The following SLC35F1 variants were observed in gnomAD, a reference collection of about 807,000 sequenced individuals.
The protein encoded by SLC35F1 is solute carrier family 35 member F1.
A neutral mutation model predicts 48.7 loss-of-function variants in SLC35F1; 14 were observed. That is an observed-to-expected ratio of 0.29 (90% confidence interval 0.19 to 0.45). The LOEUF (loss-of-function observed/expected upper bound fraction) is 0.45. SLC35F1 is among the 20% of genes least tolerant of loss of function. The pLI is 1.00. For synonymous variants in SLC35F1, 190 were observed against 202.2 expected, an observed-to-expected ratio of 0.94 and a Z score of 0.51; for missense variants, 404 against 500.0, an observed-to-expected ratio of 0.81 and a Z score of 1.83.
At chr6:118,260,810 C>T (rs561095346) in intron 3 of SLC35F1, among the ~76,000 whole-genome samples, 30 of 152,226 alleles carry the variant, frequency 2.0e-4, no homozygotes, top group Middle Eastern at 6.8e-3. Context: ...ACTACCATTC[C>T]GCTAATTTCA....
At chr6:118,024,858 T>A (rs937492166) in intron 1 of SLC35F1, among the ~76,000 whole-genome samples, 4 of 152,190 alleles carry the variant, frequency 2.6e-5, no homozygotes, top group Non-Finnish European at 4.4e-5. Context: ...GAGAATCTCA[T>A]ATAACTGAAA....
chr6:118,078,700 AG>A (rs1772860351), intron 1 of SLC35F1, among the ~76,000 whole-genome samples: 1 of 152,168 alleles, frequency 6.6e-6, no homozygotes, highest in Admixed American at 6.5e-5. Flanking sequence ...CTTGTAACAT[AG>A]GGTCTCCTCT....
chr6:118,098,029 T>C (rs1773203294), intron 1 of SLC35F1, among the ~76,000 whole-genome samples: 1 of 152,208 alleles, frequency 6.6e-6, no homozygotes, highest in African/African-American at 2.4e-5. Context: ...ACTATTACTC[T>C]TAAATAACAG....
At chr6:118,197,071 A>G (rs995959673) in intron 2 of SLC35F1, among the ~76,000 whole-genome samples, 7 of 152,028 alleles carry the variant, frequency 4.6e-5, no homozygotes, top group African/African-American at 1.4e-4. Context: ...TAATTTGCCT[A>G]TAGTAACCAT....
intron 1 of SLC35F1, among the ~76,000 whole-genome samples, chr6:118,093,067 C>A (rs1007906501): frequency 6.6e-6 from 1 of 152,074 alleles, no homozygotes; most frequent in African/African-American, 2.4e-5. Flanking sequence ...CCTGTAATCC[C>A]AGCACTTTGG....
At chr6:118,189,011 G>C (rs765739002) in intron 2 of SLC35F1, among the ~76,000 whole-genome samples, 1 of 152,118 alleles carries the variant, frequency 6.6e-6, no homozygotes, top group South Asian at 2.1e-4. Flanking sequence ...TCCTGGGCTC[G>C]AGCAATCCTC....
chr6:118,009,434 CAT>C (rs1777217425), intron 1 of SLC35F1, among the ~76,000 whole-genome samples: 1 of 152,168 alleles, frequency 6.6e-6, no homozygotes, highest in Admixed American at 6.5e-5. Flanking sequence ...CGGCTTGTCA[CAT>C]ATCTCCCCAT....
intron 1 of SLC35F1, among the ~76,000 whole-genome samples, chr6:118,034,356 G>A (rs911240861): frequency 3.9e-5 from 6 of 151,998 alleles, no homozygotes; most frequent in East Asian, 3.9e-4. Context: ...TCAGGAGTTC[G>A]AGACCAGCCT....
chr6:118,219,417 G>A (rs2114560526), intron 2 of SLC35F1, among the ~76,000 whole-genome samples: 1 of 152,160 alleles, frequency 6.6e-6, no homozygotes, highest in East Asian at 1.9e-4. Context: ...ATATCAGAAA[G>A]GGGCCATAAG....
At chr6:118,254,638 T>C (rs977969406) in intron 3 of SLC35F1, among the ~76,000 whole-genome samples, 2 of 152,212 alleles carry the variant, frequency 1.3e-5, no homozygotes, top group Admixed American at 6.5e-5. Flanking sequence ...CCAAAAAGTA[T>C]AAGATGCTTT....
intron 1 of SLC35F1, among the ~76,000 whole-genome samples, chr6:118,035,009 G>A (rs1423236483): frequency 6.6e-6 from 1 of 152,086 alleles, no homozygotes; most frequent in Non-Finnish European, 1.5e-5. Flanking sequence ...AACCACCTGG[G>A]CTTGGAATTC....
At chr6:118,307,410 A>G (rs1399593738) in intron 7 of SLC35F1, among the ~76,000 whole-genome samples, 1 of 152,170 alleles carries the variant, frequency 6.6e-6, no homozygotes, top group African/African-American at 2.4e-5. Context: ...GCAAAATATC[A>G]CAATATTTAA....
At chr6:118,178,878 T>C (rs1774531480) in intron 2 of SLC35F1, among the ~76,000 whole-genome samples, 1 of 152,174 alleles carries the variant, frequency 6.6e-6, no homozygotes, top group African/African-American at 2.4e-5. Flanking sequence ...CAAAATAGTT[T>C]TGAACATTCT....
intron 1 of SLC35F1, among the ~76,000 whole-genome samples, chr6:118,141,686 A>G (rs1163856987): frequency 2.6e-5 from 4 of 152,116 alleles, no homozygotes; most frequent in African/African-American, 9.7e-5. Flanking sequence ...CCTAATCAGC[A>G]TCCAATGGCT....
chr6:118,285,814 TA>T (rs1372862281), intron 7 of SLC35F1, among the ~76,000 whole-genome samples: 2 of 152,126 alleles, frequency 1.3e-5, no homozygotes, highest in Non-Finnish European at 2.9e-5. Context: ...GCACTAGAAA[TA>T]GTTTTTTTAC....
In SLC35F1 at chr6:118,062,991, A is replaced by G. The variant is rs187147958; in HGVS notation, c.174-91454A>G. 5.0e-4 allele frequency among the ~76,000 whole-genome samples: 76 copies of G among 152,254 alleles called. 1 individual carries two copies. The highest frequency in any genetic ancestry group is 7.8e-4 in the Non-Finnish European group (53 of 67,994). On this transcript the variant is annotated intron_variant, in intron 1 of 7. Coordinates refer to ENST00000360388, the MANE Select transcript of SLC35F1 (RefSeq NM_001029858.4). ...AATACTGGAATTTTGGGGGTATGTT[A>G]TATCAGATAATTTTGCATCTCACAT...
At chr6:117,945,317 G>A (rs1440450404) in intron 1 of SLC35F1, among the ~76,000 whole-genome samples, 1 of 152,008 alleles carries the variant, frequency 6.6e-6, no homozygotes, top group African/African-American at 2.4e-5. Context: ...TGCAGCAAAG[G>A]GTATGTTTTT....
chr6:118,182,245 G>T (rs1448692263), intron 2 of SLC35F1, among the ~76,000 whole-genome samples: 2 of 151,996 alleles, frequency 1.3e-5, no homozygotes, highest in Non-Finnish European at 2.9e-5. Context: ...CATCACTTTG[G>T]GAAGCTGAGG....
intron 1 of SLC35F1, among the ~76,000 whole-genome samples, chr6:118,031,898 C>G (rs1346324472): frequency 3.9e-5 from 6 of 152,120 alleles, no homozygotes; most frequent in African/African-American, 1.4e-4. Flanking sequence ...ACATGGCACA[C>G]TGGTGGCCAT....
Sources: gnomAD v4.1 joint callset for allele counts (sites outside exome capture counted in the v4.1 genomes callset) on GRCh38, gnomAD v4.1.1 for gene constraint, MANE v1.5 for transcripts, NCBI Gene and HGNC (gene_info 2026-07-23, HGNC 2026-07-21) for gene names.